Variants in ACOX2 observed in about 807,000 individuals in gnomAD.
The protein encoded by ACOX2 is acyl-CoA oxidase 2.
In ACOX2, 59 loss-of-function variants were observed where a neutral mutation model predicts 77.5. The ratio of observed to expected loss-of-function variants is 0.76; its 90% CI spans 0.62 to 0.95. ACOX2 has a LOEUF of 0.95. Among genes scored for constraint, ACOX2 ranks in the 40% least tolerant of loss-of-function variants. The pLI is 0.00. For missense variants in ACOX2, 837 were observed against 880.4 expected (o/e 0.95, Z 0.62); for synonymous variants, 317 against 340.1 (o/e 0.93, Z 0.75).
chr3:58,531,814 T>C lies in ACOX2; in HGVS notation c.584-2A>G. On this transcript the variant is annotated splice_acceptor_variant, in intron 5 of 14. Coordinates refer to ENST00000302819, the MANE Select transcript of ACOX2 (RefSeq NM_003500.4). LOFTEE classifies it high-confidence loss of function. The surrounding 1 kb of genome is among the most constrained non-coding windows in gnomAD (Gnocchi z 5.8). ...GGGCATGGGTGGCTGACCGTCCCAC[T>C]GAGGGCAGAGAGAGTAGCGGCCCGT... The C allele has an allele frequency of 6.2e-7, 1 of 1,613,200 alleles. No individual in the cohort carries two copies. Among genetic ancestry groups the C allele is most frequent in the Non-Finnish European group, 8.5e-7 (1 of 1,179,724 alleles).
rs1424202878 is a variant in ACOX2, at chr3:58,525,506, G to A, written c.1347-901C>T. ...CCATTGCTTGGAGCCTCTGTGTGCAGGCTCTGCACCAAGCTTAGGCGATGC... is the reference window on the plus strand; with the variant it reads ...CCATTGCTTGGAGCCTCTGTGTGCAAGCTCTGCACCAAGCTTAGGCGATGC... On this transcript the variant is annotated intron_variant, in intron 10 of 14. Coordinates refer to ENST00000302819, the MANE Select transcript of ACOX2 (RefSeq NM_003500.4). The surrounding 1 kb of genome is among the most constrained non-coding windows in gnomAD (Gnocchi z 5.0). 6.6e-6 allele frequency among the ~76,000 whole-genome samples: 1 copy of A among 152,238 alleles called. No individual in the cohort carries two copies. The highest frequency in any genetic ancestry group is 1.5e-5 in the Non-Finnish European group (1 of 68,036).
chr3:58,529,034 C>A, intron 8 of ACOX2, 78 bp from the exon 9 acceptor site: 1 of 1,435,276 alleles, frequency 7.0e-7, no homozygotes, highest in Non-Finnish European at 9.3e-7. Flanking sequence ...CCATAAAAAC[C>A]TTAAAAACAG....
intron 12 of ACOX2, among the ~76,000 whole-genome samples, chr3:58,518,882 C>T (rs762636421): frequency 5.3e-5 from 8 of 151,592 alleles, no homozygotes; most frequent in Non-Finnish European, 1.0e-4. Flanking sequence ...TCAAGTGATC[C>T]TCCTTCCTTG....
At chr3:58,511,162 T>C (rs1248556253) in intron 13 of ACOX2, 1 of 402,604 alleles carries the variant, frequency 2.5e-6, no homozygotes, top group Non-Finnish European at 4.9e-6. Flanking sequence ...AGTCCCTCCT[T>C]GTCTACTAGA....
chr3:58,532,161 G>A (rs980618154), intron 5 of ACOX2, among the ~76,000 whole-genome samples: 2 of 152,138 alleles, frequency 1.3e-5, no homozygotes, highest in African/African-American at 2.4e-5. Context: ...AGAGGATGAT[G>A]AGTCCCATTT....
chr3:58,519,039 C>T lies in ACOX2; in HGVS notation c.1633-1616G>A, dbSNP rs908120668. On this transcript the variant is annotated intron_variant, in intron 12 of 14. Transcript: ENST00000302819. The surrounding 1 kb of genome is among the most constrained non-coding windows in gnomAD (Gnocchi z 5.0). ...GAGACTGTGCATTTCTAACAAGGTC[C>T]CCTGTGATGCCCATGCTGCTGTAGT... Among the ~76,000 whole-genome samples, 10 of 152,050 alleles carry T rather than the reference C, an allele frequency of 6.6e-5. No homozygotes were observed. Among genetic ancestry groups the T allele is most frequent in the Admixed American group, 3.3e-4 (5 of 15,258 alleles).
intron 14 of ACOX2, among the ~76,000 whole-genome samples, chr3:58,506,041 T>G (rs183077925): frequency 2.6e-3 from 391 of 152,324 alleles, no homozygotes; most frequent in Non-Finnish European, 4.4e-3. Context: ...TCCACCCGCC[T>G]CAGCCTCCCA....
At position 58,531,006 on chromosome 3, in the gene ACOX2, C is replaced by T. The variant is rs997962797; in HGVS notation, c.819+245G>A. Among the ~76,000 whole-genome samples, 3 of 152,142 alleles carry T rather than the reference C, an allele frequency of 2.0e-5. No individual in the cohort carries two copies. Among genetic ancestry groups the T allele is most frequent in the Non-Finnish European group, 2.9e-5 (2 of 68,012 alleles). ...TCCTCTCCTGGGGCTGCCACCCCAC[C>T]CCACGATTGCTCTGTCAGCCTATGT... On this transcript the variant is annotated intron_variant, in intron 7 of 14. Coordinates refer to ENST00000302819, the MANE Select transcript of ACOX2 (RefSeq NM_003500.4). The surrounding 1 kb of genome is among the most constrained non-coding windows in gnomAD (Gnocchi z 5.8).
chr3:58,520,779 G>C (rs912467696), intron 12 of ACOX2, among the ~76,000 whole-genome samples: 1 of 152,214 alleles, frequency 6.6e-6, no homozygotes, highest in African/African-American at 2.4e-5. Flanking sequence ...AGCTGTCAGG[G>C]ACGTGTTCTT....
At position 58,533,740 on chromosome 3, in the gene ACOX2, G is replaced by A. The variant is rs112262996; in HGVS notation, c.476-188C>T. 1,084 of 669,714 alleles carry A rather than the reference G, an allele frequency of 1.6e-3. 11 individuals are homozygous for A. In the African/African-American group the frequency reaches 0.017, roughly 11 times the overall value. 41.5% of individuals were successfully genotyped at this position (669,714 alleles called of 1,614,324 possible). A position where few individuals can be genotyped will look rare whatever the true frequency, so the allele number is the denominator to read the frequency against. On this transcript the variant is annotated intron_variant, in intron 4 of 14. Transcript: ENST00000302819. This position sits in a 1 kb window ranked among gnomAD's most constrained non-coding sequence, Gnocchi z 5.6. ...TGTGTGGGACACACAGTCCCCTATA[G>A]CCAGTCCATGAGAAGGGGTGGCTGC...
chr3:58,518,827 C>T (rs562430298), intron 12 of ACOX2, among the ~76,000 whole-genome samples: 19 of 149,578 alleles, frequency 1.3e-4, no homozygotes, highest in East Asian at 9.9e-4. Flanking sequence ...TTAGTAGAGA[C>T]GAGGGTCTTG....
intron 5 of ACOX2, among the ~76,000 whole-genome samples, chr3:58,532,914 C>CT (rs2063451650): frequency 6.6e-6 from 1 of 152,146 alleles, no homozygotes; most frequent in African/African-American, 2.4e-5. Flanking sequence ...GCCTCAGGGA[C>CT]GCTTGATGTG....
chr3:58,523,453 T>A lies in ACOX2; in HGVS notation c.1527-852A>T, dbSNP rs1269747456. Among the ~76,000 whole-genome samples, 1 of 152,234 alleles carries A rather than the reference T, an allele frequency of 6.6e-6. No homozygotes were observed. Among genetic ancestry groups the A allele is most frequent in the Non-Finnish European group, 1.5e-5 (1 of 68,028 alleles). ...CCATATTATAGGCAGTTAATAAATA[T>A]TTTTGGAATAAATAAATGAATGTTC... On this transcript the variant is annotated intron_variant, in intron 11 of 14. Transcript: ENST00000302819. This position sits in a 1 kb window ranked among gnomAD's most constrained non-coding sequence, Gnocchi z 5.3.
Position 58,505,258 on chromosome 3 carries a change from CTT to C in ACOX2, c.2010_2011del (p.Ile670MetfsTer14). 6.2e-7 allele frequency: 1 copy of C among 1,612,938 alleles called. No individual in the cohort carries two copies. The highest frequency in any genetic ancestry group is 8.5e-7 in the Non-Finnish European group (1 of 1,179,528). On this transcript the variant is annotated frameshift_variant, in exon 15 of 15. Coordinates refer to ENST00000302819, the MANE Select transcript of ACOX2 (RefSeq NM_003500.4). LOFTEE classifies it high-confidence loss of function. This position sits in a 1 kb window ranked among gnomAD's most constrained non-coding sequence, Gnocchi z 4.4. Reference sequence around the variant, plus strand: ...GGATCTCCAACTTTGTAAAAGTGGTCTTATATATTCCTCATAGGCAGGGTTCT... The same window carrying C: ...GGATCTCCAACTTTGTAAAAGTGGTCATATATTCCTCATAGGCAGGGTTCT...
chr3:58,528,756 C>A lies in ACOX2; in HGVS notation c.1155+38G>T, dbSNP rs113100011. 6.4e-6 allele frequency: 10 copies of A among 1,567,594 alleles called. No homozygotes were observed. Among genetic ancestry groups the A allele is most frequent in the Non-Finnish European group, 6.9e-6 (8 of 1,156,906 alleles). ...TGAGTGGAACAATCTTAGCTCCCAG[C>A]GCCTGCCAGCGCCTGCCCCTCCGCA... On this transcript the variant is annotated intron_variant, in intron 9 of 14. Transcript: ENST00000302819. The surrounding 1 kb of genome is among the most constrained non-coding windows in gnomAD (Gnocchi z 5.6).
In ACOX2 at chr3:58,520,229, C is replaced by T. The variant is rs113141759; in HGVS notation, c.1632+2267G>A. On this transcript the variant is annotated intron_variant, in intron 12 of 14. Coordinates refer to ENST00000302819, the MANE Select transcript of ACOX2 (RefSeq NM_003500.4). ...ACTGTTATTAGCTCTATCTTGCAGA[C>T]GAAGAGACTGAGGCTCTGAAAGATT... Among the ~76,000 whole-genome samples, 799 of 152,312 alleles carry T rather than the reference C, an allele frequency of 5.2e-3. 4 individuals are homozygous for T. Among genetic ancestry groups the T allele is most frequent in the Admixed American group, 0.013 (203 of 15,300 alleles).
At chr3:58,530,249 C>T (rs73838032) in intron 8 of ACOX2, among the ~76,000 whole-genome samples, 2 of 152,320 alleles carry the variant, frequency 1.3e-5, no homozygotes, top group Admixed American at 6.5e-5. Flanking sequence ...CAGGTTAGGC[C>T]GGCTGGTCAG....
intron 13 of ACOX2, among the ~76,000 whole-genome samples, chr3:58,513,475 T>C (rs913097832): frequency 2.6e-5 from 4 of 152,192 alleles, no homozygotes; most frequent in Admixed American, 2.6e-4. Flanking sequence ...TTCTGCAACT[T>C]TATCTTCCAG....
rs1331861901 is a variant in ACOX2 at position 58,526,548 on chromosome 3, C to G, written c.1264G>C (p.Gly422Arg). Residue 422 changes from glycine (G) to arginine (R), a missense_variant, in exon 10 of 15, where the codon GGC (glycine) becomes CGC (arginine). Transcript: ENST00000302819. This position sits in a 1 kb window ranked among gnomAD's most constrained non-coding sequence, Gnocchi z 4.3. ...CGGHGYSKLS[G>R]LPSLVTKLSA... is the part of the protein sequence containing the mutation. ...AATTTGGTGACCAGTGATGGCAGGCCACTCAGCTTTGAGTAGCCATGTCCG... is the reference window on the plus strand; with the variant it reads ...AATTTGGTGACCAGTGATGGCAGGCGACTCAGCTTTGAGTAGCCATGTCCG... The G allele has an allele frequency of 6.2e-7, 1 of 1,614,090 alleles. No homozygotes were observed. The highest frequency in any genetic ancestry group is 8.5e-7 in the Non-Finnish European group (1 of 1,180,050).
Sources: allele counts gnomAD v4.1 joint callset (sites outside exome capture counted in the v4.1 genomes callset), GRCh38; gene constraint gnomAD v4.1.1; non-coding constraint Gnocchi (gnomAD v3.1); transcripts MANE v1.5; gene names NCBI Gene and HGNC (gene_info 2026-07-23, HGNC 2026-07-21).